RSF1: variants seen among roughly 807,000 people sequenced by gnomAD.
RSF1 encodes the protein remodeling and spacing factor 1.
In RSF1, 13 loss-of-function variants were observed where a neutral mutation model predicts 145.2. The observed-to-expected ratio is 0.09, with a 90% CI of 0.06 to 0.14. RSF1 has a LOEUF of 0.14. Among genes scored for constraint, RSF1 ranks in the 10% least tolerant of loss-of-function variants. The probability of loss-of-function intolerance (pLI) is 1.00; values close to 1 mark genes in which losing one functional copy is unlikely to be tolerated. For missense variants in RSF1, 1,517 were observed against 1,718.2 expected, an observed-to-expected ratio of 0.88 and a Z score of 2.07; for synonymous variants, 577 against 592.6, an observed-to-expected ratio of 0.97 and a Z score of 0.38.
the RSF1 span, among the ~76,000 whole-genome samples, chr11:77,838,821 T>G: frequency 6.6e-6 from 1 of 151,974 alleles, no homozygotes; most frequent in Non-Finnish European, 1.5e-5. Flanking sequence ...TTTCACCGTG[T>G]TAGCCAGGAT....
At chr11:77,740,631 C>T (rs1274307529) in intron 4 of RSF1, 100 bp downstream of exon 4, 3 of 1,153,908 alleles carry the variant, frequency 2.6e-6, no homozygotes, top group Non-Finnish European at 3.8e-6. Flanking sequence ...AACTCACACA[C>T]AAAAAACCAC....
At chr11:77,694,412 G>A (rs1007541390) in intron 7 of RSF1, among the ~76,000 whole-genome samples, 3 of 152,122 alleles carry the variant, frequency 2.0e-5, no homozygotes, top group African/African-American at 4.8e-5. Flanking sequence ...ATTCAGAACC[G>A]TCATCATGTA....
rs1299961327 is a variant in RSF1 at position 77,698,643 on chromosome 11, T to G, written c.2559A>C (p.Arg853Ser). The change falls in exon 7 of 16, where the codon AGA (arginine) becomes AGC (serine). Residue 853 changes from arginine (R) to serine (S), a missense_variant. By Grantham distance (110) the Arg-to-Ser change is moderately radical. This residue lies in a region of RSF1 where 579 missense variants were observed against 553.5 expected (regional missense o/e 1.05). Transcript: ENST00000308488. ...TTTCATCATTGCTGGAATATTTCCA[T>G]CTGCCACGTGTCCGAGAACCAGTCC... ...VRWTGSRTRG[R>S]WKYSSNDESE... 1 of 1,614,088 alleles carries G rather than the reference T, an allele frequency of 6.2e-7. No homozygotes were observed. The highest frequency in any genetic ancestry group is 8.5e-7 in the Non-Finnish European group (1 of 1,180,044).
intron 5 of RSF1, 21 bp from the exon 6 acceptor site, chr11:77,702,516 A>T (rs1238351806): frequency 1.5e-5 from 21 of 1,447,438 alleles, no homozygotes; most frequent in Admixed American, 1.0e-4. Flanking sequence ...GAAAAAGCTT[A>T]ATTACATGAA....
At chr11:77,823,231 A>AG (rs1395004083), upstream of RSF1, among the ~76,000 whole-genome samples, 539 of 151,042 alleles carry the variant, frequency 3.6e-3, no homozygotes, top group Non-Finnish European at 5.7e-3. Flanking sequence ...AAAAAAAAAA[A>AG]AAAGAAATTA....
chr11:77,770,266 C>T (rs972409028), intron 1 of RSF1, among the ~76,000 whole-genome samples: 1 of 151,924 alleles, frequency 6.6e-6, no homozygotes, highest in Non-Finnish European at 1.5e-5. Flanking sequence ...ATCGAGACCA[C>T]CCTGGCTAAC....
At chr11:77,783,620 T>C (rs1266387730) in intron 1 of RSF1, among the ~76,000 whole-genome samples, 2 of 152,124 alleles carry the variant, frequency 1.3e-5, no homozygotes, top group East Asian at 1.9e-4. Flanking sequence ...GGCGGGCGGA[T>C]TGCTTGAGCC....
upstream of RSF1, among the ~76,000 whole-genome samples, chr11:77,821,637 G>T (rs1291646886): frequency 1.3e-5 from 2 of 151,998 alleles, no homozygotes. Flanking sequence ...GAATCGGAGT[G>T]TGGGCTGGGA....
At chr11:77,773,990 T>C (rs1163832091) in intron 1 of RSF1, among the ~76,000 whole-genome samples, 1 of 152,234 alleles carries the variant, frequency 6.6e-6, no homozygotes, top group Non-Finnish European at 1.5e-5. Context: ...ACACATGAAC[T>C]AAGTAAAACC....
the RSF1 span, among the ~76,000 whole-genome samples, chr11:77,858,456 C>A: frequency 6.6e-6 from 1 of 151,804 alleles, no homozygotes; most frequent in Non-Finnish European, 1.5e-5. Context: ...TATTTCTTTA[C>A]CTCCTGTTTT....
At chr11:77,768,409 C>T (rs1407829089) in intron 1 of RSF1, among the ~76,000 whole-genome samples, 3 of 152,176 alleles carry the variant, frequency 2.0e-5, no homozygotes, top group Admixed American at 6.5e-5. Flanking sequence ...GATCTCCCGC[C>T]TCGGCCTCCC....
At chr11:77,744,384 G>A (rs116524867) in intron 3 of RSF1, among the ~76,000 whole-genome samples, 1,888 of 152,096 alleles carry the variant, frequency 0.012, 37 homozygotes, top group African/African-American at 0.042. Context: ...AAGTGCAGTG[G>A]CACGATCACA....
chr11:77,671,188 T>C (rs867666993), intron 15 of RSF1, among the ~76,000 whole-genome samples: 15 of 111,014 alleles, frequency 1.4e-4, no homozygotes, highest in African/African-American at 5.9e-4. Context: ...TTTATATGTA[T>C]ATATGTGTGT....
intron 4 of RSF1, among the ~76,000 whole-genome samples, chr11:77,730,383 C>G (rs547448697): frequency 6.6e-6 from 1 of 151,998 alleles, no homozygotes; most frequent in Admixed American, 6.5e-5. Context: ...ATATTTTTAA[C>G]GAGGTATAAT....
At chr11:77,781,925 A>T (rs146444110) in intron 1 of RSF1, among the ~76,000 whole-genome samples, 111 of 152,224 alleles carry the variant, frequency 7.3e-4, no homozygotes, top group Non-Finnish European at 1.2e-3. Context: ...ATCTATTTCT[A>T]ATATTCTTTT....
chr11:77,710,997 G>C (rs1029757836), intron 5 of RSF1, among the ~76,000 whole-genome samples: 1 of 151,738 alleles, frequency 6.6e-6, no homozygotes, highest in Admixed American at 6.6e-5. Context: ...GTTTAGTTTT[G>C]TGGGAAGTTG....
intron 1 of RSF1, among the ~76,000 whole-genome samples, chr11:77,793,373 T>A (rs1350218885): frequency 6.6e-6 from 1 of 152,128 alleles, no homozygotes; most frequent in Non-Finnish European, 1.5e-5. Context: ...TAGTCTCAGC[T>A]ACTCAGGAGG....
chr11:77,790,153 T>C (rs1226410005), intron 1 of RSF1, among the ~76,000 whole-genome samples: 1 of 152,166 alleles, frequency 6.6e-6, no homozygotes, highest in Non-Finnish European at 1.5e-5. Flanking sequence ...ACTGGACAAT[T>C]TACAAAAGAA....
intron 1 of RSF1, among the ~76,000 whole-genome samples, chr11:77,812,791 G>A (rs932893872): frequency 6.6e-6 from 1 of 151,030 alleles, no homozygotes; most frequent in African/African-American, 2.4e-5. Flanking sequence ...TCAGGAGGCT[G>A]AAGCAGGAGA....
Sources: allele counts gnomAD v4.1 joint callset (sites outside exome capture counted in the v4.1 genomes callset), GRCh38; gene constraint gnomAD v4.1.1; regional missense constraint gnomAD v4.1.1; transcripts MANE v1.5; gene names NCBI Gene and HGNC (gene_info 2026-07-23, HGNC 2026-07-21).